The following RNLS variants were observed in gnomAD, a reference collection of about 807,000 sequenced individuals.
The protein encoded by RNLS is renalase, FAD dependent amine oxidase, also known as renalase.
Under a neutral mutation model 39.8 loss-of-function variants are expected in RNLS, and 39 were observed. That is an observed-to-expected ratio of 0.98 (90% confidence interval 0.76 to 1.28). The LOEUF is 1.28. Ranked by LOEUF, RNLS falls within the 50% of genes most tolerant of loss-of-function variation. The pLI, the probability that RNLS is intolerant of heterozygous loss-of-function variation, is 0.00. For synonymous variants in RNLS, 147 were observed against 150.7 expected, an observed-to-expected ratio of 0.98 and a Z score of 0.18; for missense variants, 410 against 413.3, an observed-to-expected ratio of 0.99 and a Z score of 0.07.
chr10:88,572,993 T>G lies in RNLS; in HGVS notation c.436A>C (p.Lys146Gln). The change falls in exon 4 of 7, where the codon AAA (lysine) becomes CAA (glutamine). Residue 146 changes from lysine (K) to glutamine (Q), a missense_variant. By Grantham distance (53) the Lys-to-Gln change is moderately conservative (BLOSUM62 1). Transcript: ENST00000331772. The part of the protein sequence containing the change: ...NLRDDKWEVS[K>Q]QTGSPEQFDL... ...AACTGCTCAGGGGAGCCTGTTTGTTTGGATACTTCCCATTTGTCATCTCTT... is the reference window on the plus strand; with the variant it reads ...AACTGCTCAGGGGAGCCTGTTTGTTGGGATACTTCCCATTTGTCATCTCTT... 6.2e-7 allele frequency: 1 copy of G among 1,614,100 alleles called. No individual in the cohort carries two copies.
rs554430480 is a variant in RNLS at position 88,354,042 on chromosome 10, T to G, written c.700+8510A>C. Among the ~76,000 whole-genome samples, 5 of 152,332 alleles carry G rather than the reference T, an allele frequency of 3.3e-5. No homozygotes were observed. The South Asian group carries it at 1.0e-3, about 32-fold the overall frequency. ...AGACTAGGATTGCAACCCCTGCCTT[T>G]GTTTTCCATTTGCTTGGTATGCTTG... On this transcript the variant is annotated intron_variant, in intron 5 of 6. Transcript: ENST00000331772.
intron 4 of RNLS, among the ~76,000 whole-genome samples, chr10:88,554,251 A>C (rs1848742651): frequency 6.6e-6 from 1 of 152,172 alleles, no homozygotes; most frequent in South Asian, 2.1e-4. Flanking sequence ...TTGTTGTATA[A>C]AACATTCCAA....
intron 5 of RNLS, chr10:88,343,885 T>C (rs1848131283): frequency 9.6e-6 from 9 of 934,098 alleles, no homozygotes; most frequent in African/African-American, 1.8e-5. Flanking sequence ...TTGTCCTAAC[T>C]CACATTTGGT....
At chr10:88,233,273 C>G in the RNLS span, among the ~76,000 whole-genome samples, 119 of 152,274 alleles carry the variant, frequency 7.8e-4, no homozygotes, top group African/African-American at 2.7e-3. Flanking sequence ...CTTTTTTCCT[C>G]CCCAGCTGGT....
chr10:88,464,884 T>C (rs1175363314), intron 4 of RNLS, among the ~76,000 whole-genome samples: 1 of 152,058 alleles, frequency 6.6e-6, no homozygotes, highest in African/African-American at 2.4e-5. Context: ...GAGTCAACCA[T>C]GACATGCTCA....
At chr10:88,509,049 C>T (rs1845947069) in intron 4 of RNLS, among the ~76,000 whole-genome samples, 1 of 152,024 alleles carries the variant, frequency 6.6e-6, no homozygotes, top group Admixed American at 6.6e-5. Context: ...TCTAAGATTG[C>T]CTATGTAGGT....
At chr10:88,333,113 A>C (rs1047519587) in intron 5 of RNLS, among the ~76,000 whole-genome samples, 1 of 152,188 alleles carries the variant, frequency 6.6e-6, no homozygotes, top group Non-Finnish European at 1.5e-5. Context: ...ATGACATATT[A>C]ATAGTTATTA....
intron 4 of RNLS, among the ~76,000 whole-genome samples, chr10:88,378,054 G>T (rs916038743): frequency 6.6e-6 from 1 of 151,704 alleles, no homozygotes; most frequent in African/African-American, 2.4e-5. Context: ...ACAGGGTCAG[G>T]GTCGTCAATA....
the RNLS span, among the ~76,000 whole-genome samples, chr10:88,235,839 T>C: frequency 5.3e-5 from 8 of 151,956 alleles, no homozygotes; most frequent in Non-Finnish European, 1.2e-4. Flanking sequence ...TTTGTTTTTT[T>C]GTTTTTTTTT....
rs1843170752 is a variant in RNLS, at chr10:88,285,029, G to A, written c.*325C>T. The A allele has an allele frequency of 6.9e-6, 7 of 1,013,874 alleles. No homozygotes were observed. Among genetic ancestry groups the A allele is most frequent in the Non-Finnish European group, 8.2e-6 (7 of 849,230 alleles). The allele number at this position is 1,013,874 out of a possible 1,614,324, so 62.8% of individuals were successfully genotyped here. A position where few individuals can be genotyped will look rare whatever the true frequency, so the allele number is the denominator to read the frequency against. On this transcript the variant is annotated 3_prime_UTR_variant, in exon 7 of 7. Coordinates refer to ENST00000331772, the MANE Select transcript of RNLS (RefSeq NM_001031709.3). ...TTTCATAAGGATAATCAAGTTTTTG[G>A]CACACAAACTGTTATTGTGATTTAA...
chr10:88,287,205 A>C (rs1843333900), intron 6 of RNLS, among the ~76,000 whole-genome samples: 1 of 152,114 alleles, frequency 6.6e-6, no homozygotes, highest in African/African-American at 2.4e-5. Context: ...TGAACCTCTA[A>C]AGACATGGGC....
In RNLS at chr10:88,452,719, G is replaced by A. The variant is rs538095665; in HGVS notation, c.527-89994C>T. ...GGCTACCACCCCGTCATGTCATGTT[G>A]CTTGAGACAAGACCCAGGAAGTGAG... On this transcript the variant is annotated intron_variant, in intron 4 of 6. Transcript: ENST00000331772. Among the ~76,000 whole-genome samples, 23 of 152,216 alleles carry A rather than the reference G, an allele frequency of 1.5e-4. No individual in the cohort carries two copies. In the East Asian group the frequency reaches 4.4e-3, roughly 29 times the overall value.
chr10:88,350,317 G>T (rs917489547), intron 5 of RNLS, among the ~76,000 whole-genome samples: 1 of 151,500 alleles, frequency 6.6e-6, no homozygotes, highest in Non-Finnish European at 1.5e-5. Context: ...GTGCCATGTT[G>T]ATGTGCTGCA....
intron 3 of RNLS, among the ~76,000 whole-genome samples, chr10:88,578,878 T>C (rs1007094665): frequency 6.6e-6 from 1 of 152,188 alleles, no homozygotes; most frequent in African/African-American, 2.4e-5. Context: ...CATTGGTTCT[T>C]GTATCATTAG....
the RNLS span, among the ~76,000 whole-genome samples, chr10:88,230,572 T>C: frequency 6.6e-6 from 1 of 152,212 alleles, no homozygotes; most frequent in South Asian, 2.1e-4. Context: ...CTACTGGTAA[T>C]AATGTTACAG....
chr10:88,572,836 C>A, intron 4 of RNLS, 67 bp downstream of exon 4: 1 of 1,550,910 alleles, frequency 6.4e-7, no homozygotes, highest in Non-Finnish European at 8.8e-7. Flanking sequence ...GAGAGTTAAA[C>A]CAAATTCATG....
chr10:88,192,404 AAATT>A, the RNLS span, among the ~76,000 whole-genome samples: 2 of 152,260 alleles, frequency 1.3e-5, no homozygotes, highest in African/African-American at 4.8e-5. Flanking sequence ...TTAAAAAAAT[AAATT>A]AAAAGCCTTA....
intron 5 of RNLS, among the ~76,000 whole-genome samples, chr10:88,316,639 A>C (rs1845783609): frequency 6.6e-6 from 1 of 152,102 alleles, no homozygotes; most frequent in East Asian, 1.9e-4. Context: ...TCCAGGGGAA[A>C]CTCGTAAAGT....
At chr10:88,202,303 TGGGGGGA>T in the RNLS span, among the ~76,000 whole-genome samples, 1 of 44,182 alleles carries the variant, frequency 2.3e-5, no homozygotes, top group African/African-American at 9.4e-5. Flanking sequence ...TGATGTGGGG[TGGGGGGA>T]GGGGGGAGGG....
Sources: gnomAD v4.1 joint callset for allele counts (sites outside exome capture counted in the v4.1 genomes callset) on GRCh38, gnomAD v4.1.1 for gene constraint, MANE v1.5 for transcripts, NCBI Gene and HGNC (gene_info 2026-07-23, HGNC 2026-07-21) for gene names.